The following RASSF3 variants were observed in gnomAD, a reference collection of about 807,000 sequenced individuals.
RASSF3 encodes the protein Ras association domain family member 3, also known as ras association domain-containing protein 3.
RASSF3 carries 19 observed loss-of-function variants against 19.9 expected under a neutral mutation model. The observed-to-expected ratio is 0.96, with a 90% CI of 0.67 to 1.40. RASSF3 has a LOEUF of 1.40. Among genes scored for constraint, RASSF3 ranks in the 40% most tolerant of loss-of-function variants. RASSF3 has a pLI of 0.00. For missense variants in RASSF3, 306 were observed against 289.8 expected, an observed-to-expected ratio of 1.06 and a Z score of -0.41; for synonymous variants, 110 against 104.2, an observed-to-expected ratio of 1.06 and a Z score of -0.34.
intron 1 of RASSF3, among the ~76,000 whole-genome samples, chr12:64,629,712 C>T (rs1871109359): frequency 4.6e-5 from 7 of 151,728 alleles, no homozygotes; most frequent in Admixed American, 4.6e-4. Context: ...TGCCTGTAAT[C>T]CCAGCACTTT....
Position 64,624,224 on chromosome 12 carries a change from T to C in RASSF3, c.111+13481T>C, listed in dbSNP as rs1044870700. On this transcript the variant is annotated intron_variant, in intron 1 of 4. Coordinates refer to ENST00000542104, the MANE Select transcript of RASSF3 (RefSeq NM_178169.4). ...TCCATTCCTAAAGGAGGAAGCTCTG[T>C]TACAGTTTTAAAATTAACATTACAA... 2.6e-5 allele frequency among the ~76,000 whole-genome samples: 4 copies of C among 151,892 alleles called. 1 individual carries two copies. Among genetic ancestry groups the C allele is most frequent in the African/African-American group, 9.7e-5 (4 of 41,144 alleles).
chr12:64,686,992 T>C (rs747111501), intron 2 of RASSF3, among the ~76,000 whole-genome samples: 19 of 152,176 alleles, frequency 1.2e-4, no homozygotes, highest in Non-Finnish European at 2.8e-4. Flanking sequence ...CTAAATATAC[T>C]GTTTTTGTTT....
chr12:64,604,278 A>G (rs1006275207), intron 2 of RASSF3, among the ~76,000 whole-genome samples: 1 of 151,922 alleles, frequency 6.6e-6, no homozygotes. Context: ...GGCATACACC[A>G]CCATGCCCGG....
chr12:64,530,307 A>AT (rs1868679831), upstream of RASSF3, among the ~76,000 whole-genome samples: 1 of 103,602 alleles, frequency 9.7e-6, no homozygotes, highest in Non-Finnish European at 2.1e-5. Context: ...AGTGCACAAC[A>AT]ATTTTTTTTT....
At chr12:64,566,682 G>A (rs71467187) in intron 2 of RASSF3, among the ~76,000 whole-genome samples, 1 of 152,100 alleles carries the variant, frequency 6.6e-6, no homozygotes, top group Non-Finnish European at 1.5e-5. Context: ...AGAGATGCTC[G>A]GGAATTTTCA....
At chr12:64,613,407 A>G (rs560000429) in intron 1 of RASSF3, among the ~76,000 whole-genome samples, 2 of 151,534 alleles carry the variant, frequency 1.3e-5, no homozygotes, top group African/African-American at 4.9e-5. Context: ...TGAGGTTTCT[A>G]GATTTCTTGA....
chr12:64,646,781 A>G (rs111860185), intron 1 of RASSF3, among the ~76,000 whole-genome samples: 2,096 of 151,270 alleles, frequency 0.014, 50 homozygotes, highest in African/African-American at 0.049. Flanking sequence ...AGAGTGAAAG[A>G]CCCAGGAATA....
In RASSF3 at chr12:64,685,772, GA is replaced by G. The variant is rs781742555; in HGVS notation, c.219+879del. The stretch of plus-strand genomic sequence containing the variant: ...GGAGGGAGAAGCCTCAGGGCCTGGG[GA>G]TAGGGAAACGAGCTGACAGCGGAGC... On this transcript the variant is annotated intron_variant, in intron 2 of 4. Coordinates refer to ENST00000542104, the MANE Select transcript of RASSF3 (RefSeq NM_178169.4). Among the ~76,000 whole-genome samples, 3 of 152,306 alleles carry G rather than the reference GA, an allele frequency of 2.0e-5. No homozygotes were observed. In the East Asian group the frequency reaches 5.8e-4, roughly 29 times the overall value.
At chr12:64,666,878 A>G (rs553067868) in intron 1 of RASSF3, among the ~76,000 whole-genome samples, 1 of 152,376 alleles carries the variant, frequency 6.6e-6, no homozygotes, top group Non-Finnish European at 1.5e-5. Flanking sequence ...GCAGAAAGAA[A>G]GGAAAATATT....
rs1321029106 is a variant in RASSF3, at chr12:64,696,107, CTCCCTCCCTCCCTCCT to C, written c.*1206_*1221del. 5.1e-5 allele frequency: 7 copies of C among 136,490 alleles called. No homozygotes were observed. The highest frequency in any genetic ancestry group is 1.1e-4 in the African/African-American group (4 of 35,330). The allele number at this position is 136,490 out of a possible 1,614,324, so 8.5% of individuals were successfully genotyped here. A position where few individuals can be genotyped will look rare whatever the true frequency, so the allele number is the denominator to read the frequency against. On this transcript the variant is annotated 3_prime_UTR_variant, in exon 5 of 5. Transcript: ENST00000542104. ...TTTTCCTCCCTCCCTCCCTCCCTCCCTCCCTCCCTCCCTCCTTCCCTCCCTCTCTCTCCCTCTCCCT... is the reference window on the plus strand; with the variant it reads ...TTTTCCTCCCTCCCTCCCTCCCTCCCTCCCTCCCTCTCTCTCCCTCTCCCT...
At chr12:64,552,563 TC>T (rs1264414553) in intron 2 of RASSF3, among the ~76,000 whole-genome samples, 1 of 152,036 alleles carries the variant, frequency 6.6e-6, no homozygotes, top group East Asian at 1.9e-4. Flanking sequence ...TGTGTGTTGT[TC>T]CCCTCCCTGT....
At chr12:64,521,014 G>A (rs118036211) in intron 1 of RASSF3, among the ~76,000 whole-genome samples, 4,367 of 152,256 alleles carry the variant, frequency 0.029, 87 homozygotes, top group Non-Finnish European at 0.046. Flanking sequence ...GCACTGAGCT[G>A]GAAATGGTTG....
intron 2 of RASSF3, chr12:64,575,877 G>A (rs1010120116): frequency 6.7e-6 from 1 of 150,316 alleles, no homozygotes; most frequent in Non-Finnish European, 1.5e-5. Context: ...GAAAATTCTC[G>A]ACAGATTTTT....
rs371430838 is a variant in RASSF3, at chr12:64,516,998, C to CAA, written c.169+9691_169+9692dup. 9.1e-3 allele frequency among the ~76,000 whole-genome samples: 453 copies of CAA among 49,604 alleles called. 4 individuals are homozygous for CAA. The highest frequency in any genetic ancestry group is 0.011 in the African/African-American group (159 of 14,142). 32.5% of individuals were successfully genotyped at this position (49,604 alleles called of 152,430 possible). Reference sequence around the variant, plus strand: ...TGGGTGAGAAAGTGAAAATCTGTCTCAAAAAAAAAAAAAAAAAAAAAAAGA... The same window carrying CAA: ...TGGGTGAGAAAGTGAAAATCTGTCTCAAAAAAAAAAAAAAAAAAAAAAAAAGA... On this transcript the variant is annotated intron_variant, in intron 1 of 5. Coordinates refer to the RASSF3 transcript ENST00000637125.
At chr12:64,520,555 C>CATATATATATATATATAT (rs66975333) in intron 1 of RASSF3, among the ~76,000 whole-genome samples, 6 of 86,352 alleles carry the variant, frequency 6.9e-5, no homozygotes, top group Admixed American at 1.3e-4. Flanking sequence ...CACATACACA[C>CATATATATATATATATAT]ATATATATAT....
At chr12:64,566,951 T>C (rs75940097) in intron 2 of RASSF3, among the ~76,000 whole-genome samples, 2,076 of 152,296 alleles carry the variant, frequency 0.014, 48 homozygotes, top group African/African-American at 0.048. Flanking sequence ...TGTAGCTTTG[T>C]GGGCAAGGCT....
chr12:64,526,211 A>T (rs564603855), intron 1 of RASSF3, among the ~76,000 whole-genome samples: 21 of 152,322 alleles, frequency 1.4e-4, no homozygotes, highest in Admixed American at 3.3e-4. Context: ...ATACATATGT[A>T]TTTATGGTAT....
intron 1 of RASSF3, among the ~76,000 whole-genome samples, chr12:64,510,851 A>G (rs1387372344): frequency 6.6e-6 from 1 of 152,194 alleles, no homozygotes; most frequent in Non-Finnish European, 1.5e-5. Context: ...GCTCAAGAGC[A>G]TTGTAGGCTG....
At chr12:64,676,145 ATTCT>A (rs1056274962) in intron 1 of RASSF3, among the ~76,000 whole-genome samples, 1 of 148,802 alleles carries the variant, frequency 6.7e-6, no homozygotes, top group Non-Finnish European at 1.5e-5. Flanking sequence ...AACTGTTCTG[ATTCT>A]TTCCTTCAGG....
Sources: gnomAD v4.1 joint callset for allele counts (sites outside exome capture counted in the v4.1 genomes callset) on GRCh38, gnomAD v4.1.1 for gene constraint, MANE v1.5 for transcripts, NCBI Gene and HGNC (gene_info 2026-07-23, HGNC 2026-07-21) for gene names.